Variants in MSI2 observed in about 807,000 individuals in gnomAD.
MSI2 encodes RNA-binding protein Musashi homolog 2.
In MSI2, 17 loss-of-function variants were observed where a neutral mutation model predicts 45.6. The ratio of observed to expected loss-of-function variants is 0.37; its 90% CI spans 0.26 to 0.56. The LOEUF is 0.56. Among genes scored for constraint, MSI2 ranks in the 20% least tolerant of loss-of-function variants. MSI2 has a pLI of 0.77. For synonymous variants in MSI2, 156 were observed against 158.2 expected, an observed-to-expected ratio of 0.99 and a Z score of 0.11; for missense variants, 293 against 444.2, an observed-to-expected ratio of 0.66 and a Z score of 3.06.
At chr17:57,584,871 G>C (rs2088303568) in intron 7 of MSI2, among the ~76,000 whole-genome samples, 1 of 151,832 alleles carries the variant, frequency 6.6e-6, no homozygotes, top group Non-Finnish European at 1.5e-5. Context: ...ACCCAGGCTA[G>C]AATGCATTGG....
intron 8 of MSI2, among the ~76,000 whole-genome samples, chr17:57,609,394 GAGC>G (rs1270633801): frequency 6.6e-6 from 1 of 152,200 alleles, no homozygotes; most frequent in Admixed American, 6.5e-5. Flanking sequence ...GTTGATACCT[GAGC>G]ACTGGGGAAT....
chr17:57,590,667 C>T (rs1904743105), intron 7 of MSI2, among the ~76,000 whole-genome samples: 2 of 152,170 alleles, frequency 1.3e-5, no homozygotes, highest in Non-Finnish European at 2.9e-5. Context: ...ACCTTCCCAC[C>T]ACCTTCTTTG....
intron 5 of MSI2, among the ~76,000 whole-genome samples, chr17:57,361,520 T>C (rs1453060435): frequency 6.7e-6 from 1 of 149,432 alleles, no homozygotes; most frequent in East Asian, 2.0e-4. Context: ...GGTGGGAGGA[T>C]GACTTGAACC....
At chr17:57,612,843 AG>A (rs1555632123) in intron 8 of MSI2, among the ~76,000 whole-genome samples, 1 of 152,228 alleles carries the variant, frequency 6.6e-6, no homozygotes, top group Non-Finnish European at 1.5e-5. Context: ...TAGGGCTATT[AG>A]GAAGTGAGCT....
chr17:57,473,415 G>A (rs1280419722), intron 6 of MSI2, among the ~76,000 whole-genome samples: 1 of 152,206 alleles, frequency 6.6e-6, no homozygotes, highest in Non-Finnish European at 1.5e-5. Flanking sequence ...GTTAGCTTCT[G>A]TGTGGATCTG....
chr17:57,270,549 A>G (rs1488807427), intron 5 of MSI2, among the ~76,000 whole-genome samples: 1 of 152,158 alleles, frequency 6.6e-6, no homozygotes, highest in Non-Finnish European at 1.5e-5. Context: ...GTTTTCTGAG[A>G]GCTTGTTTAG....
chr17:57,464,262 G>A lies in MSI2; in HGVS notation c.405+62791G>A, dbSNP rs73327287. On this transcript the variant is annotated intron_variant, in intron 6 of 13. Transcript: ENST00000284073. ...GTTTGGGGCCAGCCTGAGCAACATGGCAAAACCCTATCTCTACAGAAAAAA... is the reference window on the plus strand; with the variant it reads ...GTTTGGGGCCAGCCTGAGCAACATGACAAAACCCTATCTCTACAGAAAAAA... Among the ~76,000 whole-genome samples the A allele has an allele frequency of 9.0e-3, 1,367 of 152,018 alleles. 20 individuals carry two copies. The highest frequency in any genetic ancestry group is 0.032 in the African/African-American group (1,308 of 41,414).
rs1188577941 is a variant in MSI2, at chr17:57,426,427, C to A, written c.405+24956C>A. ...TCTTCCCTCCTGCTGCTCTTGTGTG[C>A]GTCCTCACGGCACATGGGGCAGTGC... On this transcript the variant is annotated intron_variant, in intron 6 of 13. Transcript: ENST00000284073. Among the ~76,000 whole-genome samples, 3 of 152,156 alleles carry A rather than the reference C, an allele frequency of 2.0e-5. No homozygotes were observed. In the South Asian group the frequency reaches 6.2e-4, roughly 32 times the overall value.
At chr17:57,474,694 T>G (rs2085504555) in intron 6 of MSI2, among the ~76,000 whole-genome samples, 1 of 117,602 alleles carries the variant, frequency 8.5e-6, no homozygotes, top group Non-Finnish European at 1.8e-5. Context: ...GTGTACTGTT[T>G]TTTTGTTGTT....
chr17:57,627,417 G>T lies in MSI2; in HGVS notation c.727+114G>T. 1.1e-6 allele frequency: 1 copy of T among 921,994 alleles called. No individual in the cohort carries two copies. The highest frequency in any genetic ancestry group is 1.4e-5 in the South Asian group (1 of 72,822). The allele number at this position is 921,994 out of a possible 1,614,324, so 57.1% of individuals were successfully genotyped here. A position where few individuals can be genotyped will look rare whatever the true frequency, so the allele number is the denominator to read the frequency against. The stretch of plus-strand genomic sequence containing the variant: ...TTCTTACATGCATCCACTTGAAAAT[G>T]ACCTATACATGATAAATTTCAAATC... On this transcript the variant is annotated intron_variant, in intron 10 of 13. Transcript: ENST00000284073. The surrounding 1 kb of genome is among the most constrained non-coding windows in gnomAD (Gnocchi z 4.6).
intron 6 of MSI2, among the ~76,000 whole-genome samples, chr17:57,415,791 A>T (rs8071635): frequency 0.17 from 25,258 of 151,964 alleles, 2,222 homozygotes; most frequent in African/African-American, 0.19. Flanking sequence ...CCAGTTTCTT[A>T]GTTGCTCCCA....
intron 5 of MSI2, among the ~76,000 whole-genome samples, chr17:57,383,700 G>GA (rs1844360701): frequency 6.6e-6 from 1 of 152,128 alleles, no homozygotes; most frequent in Non-Finnish European, 1.5e-5. Flanking sequence ...TTTCTACCCA[G>GA]AAAAAACTGA....
intron 6 of MSI2, among the ~76,000 whole-genome samples, chr17:57,453,862 A>T (rs2085063802): frequency 6.6e-6 from 1 of 152,194 alleles, no homozygotes; most frequent in African/African-American, 2.4e-5. Context: ...GGCTATAGTA[A>T]CTTGTTTGAG....
At chr17:57,431,614 A>G (rs1002495829) in intron 6 of MSI2, among the ~76,000 whole-genome samples, 8 of 152,208 alleles carry the variant, frequency 5.3e-5, no homozygotes, top group African/African-American at 1.9e-4. Context: ...ACAGATGTCA[A>G]AACAACTTCC....
intron 6 of MSI2, among the ~76,000 whole-genome samples, chr17:57,456,123 C>T (rs760997003): frequency 2.6e-5 from 4 of 152,162 alleles, no homozygotes; most frequent in Admixed American, 1.3e-4. Context: ...ACAACCACTA[C>T]GGTTTAACAG....
downstream of MSI2, among the ~76,000 whole-genome samples, chr17:57,686,305 T>C (rs1913879808): frequency 6.6e-6 from 1 of 151,540 alleles, no homozygotes; most frequent in Non-Finnish European, 1.5e-5. Context: ...TAATGTTTCA[T>C]GGAGAAAAAA....
intron 5 of MSI2, among the ~76,000 whole-genome samples, chr17:57,299,223 C>T (rs913121982): frequency 2.6e-5 from 4 of 152,218 alleles, no homozygotes; most frequent in African/African-American, 9.7e-5. Context: ...TTAAAACTTT[C>T]TCCGTATCAG....
At chr17:57,620,029 C>T (rs1908141383) in intron 9 of MSI2, among the ~76,000 whole-genome samples, 1 of 152,198 alleles carries the variant, frequency 6.6e-6, no homozygotes, top group Admixed American at 6.5e-5. Flanking sequence ...CCCCAGGTCA[C>T]AGAGGCACTA....
intron 7 of MSI2, among the ~76,000 whole-genome samples, chr17:57,556,007 A>G (rs1012955647): frequency 2.6e-5 from 4 of 152,240 alleles, no homozygotes; most frequent in Admixed American, 2.0e-4. Context: ...TGTTAGTGGT[A>G]ATGGTGACAC....
Sources: gnomAD v4.1 joint callset for allele counts (sites outside exome capture counted in the v4.1 genomes callset) on GRCh38, gnomAD v4.1.1 for gene constraint, Gnocchi (gnomAD v3.1) non-coding constraint, MANE v1.5 for transcripts, NCBI Gene and HGNC (gene_info 2026-07-23, HGNC 2026-07-21) for gene names.